ZFHX3: variants seen among roughly 807,000 people sequenced by gnomAD.
The protein encoded by ZFHX3 is zinc finger homeobox protein 3.
A neutral mutation model predicts 279.1 loss-of-function variants in ZFHX3; 42 were observed. The ratio of observed to expected loss-of-function variants is 0.15; its 90% CI spans 0.12 to 0.19. ZFHX3 has a LOEUF of 0.19. Among genes scored for constraint, ZFHX3 ranks in the 10% least tolerant of loss-of-function variants. The pLI, the probability that ZFHX3 is intolerant of heterozygous loss-of-function variation, is 1.00. For missense variants in ZFHX3, 4,981 were observed against 4,754.0 expected (o/e 1.05, Z -1.40); for synonymous variants, 2,293 against 1,957.8 (o/e 1.17, Z -4.52).
chr16:73,150,507 C>A (rs1567403253), intron 5 of ZFHX3, among the ~76,000 whole-genome samples: 1 of 152,158 alleles, frequency 6.6e-6, no homozygotes, highest in African/African-American at 2.4e-5. Flanking sequence ...CAGCAAGTGG[C>A]AGCTGTTGTA....
intron 1 of ZFHX3, among the ~76,000 whole-genome samples, chr16:73,760,609 C>T (rs2053853810): frequency 6.6e-6 from 1 of 152,152 alleles, no homozygotes; most frequent in Non-Finnish European, 1.5e-5. Context: ...AGCAGCACAT[C>T]AAAAAGCTTA....
intron 1 of ZFHX3, among the ~76,000 whole-genome samples, chr16:73,033,172 AC>A (rs952421749): frequency 6.6e-6 from 1 of 151,190 alleles, no homozygotes. Flanking sequence ...ACACCTCCTT[AC>A]CCCCTACCCC....
chr16:73,753,250 C>G (rs1012312925), intron 1 of ZFHX3, among the ~76,000 whole-genome samples: 1 of 152,172 alleles, frequency 6.6e-6, no homozygotes, highest in African/African-American at 2.4e-5. Context: ...CTGACCAAAA[C>G]AGGATCTGGC....
chr16:73,785,232 A>T (rs1414527284), intron 1 of ZFHX3, among the ~76,000 whole-genome samples: 1 of 152,210 alleles, frequency 6.6e-6, no homozygotes, highest in African/African-American at 2.4e-5. Flanking sequence ...GGTTTATTAT[A>T]ACTACAGTTC....
rs3081625 is a variant in ZFHX3 at position 73,004,159 on chromosome 16, CTTTTTTTTT to C, written c.-50+43584_-50+43592del. ...CAATAATAACTACATAAAAACACGACTTTTTTTTTTTTTTTTTTTTTTTTTAAGTAGAGA... is the reference window on the plus strand; with the variant it reads ...CAATAATAACTACATAAAAACACGACTTTTTTTTTTTTTTTTAAGTAGAGA... On this transcript the variant is annotated intron_variant, in intron 1 of 9. Coordinates refer to ENST00000268489, the MANE Select transcript of ZFHX3 (RefSeq NM_006885.4). Among the ~76,000 whole-genome samples, 468 of 49,382 alleles carry C rather than the reference CTTTTTTTTT, an allele frequency of 9.5e-3. 22 individuals carry two copies. In the East Asian group the frequency reaches 0.21, roughly 22 times the overall value. 32.4% of individuals were successfully genotyped at this position (49,382 alleles called of 152,430 possible). A position where few individuals can be genotyped will look rare whatever the true frequency, so the allele number is the denominator to read the frequency against.
chr16:73,728,015 G>GCCCCCACC (rs2053534637), intron 1 of ZFHX3, among the ~76,000 whole-genome samples: 1 of 75,426 alleles, frequency 1.3e-5, no homozygotes. Context: ...GCCGAATTGT[G>GCCCCCACC]CCCCCCCCCC....
At chr16:73,399,817 G>C (rs1015418169) in intron 3 of ZFHX3, among the ~76,000 whole-genome samples, 1 of 138,350 alleles carries the variant, frequency 7.2e-6, no homozygotes, top group South Asian at 2.4e-4. Context: ...TGTGTGTGTG[G>C]TGTGTGGAGT....
chr16:73,520,220 T>A (rs1267345744), intron 2 of ZFHX3, among the ~76,000 whole-genome samples: 1 of 152,204 alleles, frequency 6.6e-6, no homozygotes, highest in East Asian at 1.9e-4. Context: ...TACTTGGGTG[T>A]TTCTACAATT....
At chr16:72,854,754 C>T (rs1331896549) in intron 4 of ZFHX3, among the ~76,000 whole-genome samples, 4 of 152,016 alleles carry the variant, frequency 2.6e-5, no homozygotes, top group African/African-American at 7.2e-5. Flanking sequence ...CAAAACCACC[C>T]GGAGGAGAGC....
Position 72,787,090 on chromosome 16 carries a change from G to C in ZFHX3, c.*74C>G, listed in dbSNP as rs141586954. 4,618 of 1,090,782 alleles carry C rather than the reference G, an allele frequency of 4.2e-3. 15 individuals are homozygous for C. Among genetic ancestry groups the C allele is most frequent in the Middle Eastern group, 0.014 (42 of 3,084 alleles). 67.6% of individuals were successfully genotyped at this position (1,090,782 alleles called of 1,614,324 possible). On this transcript the variant is annotated 3_prime_UTR_variant, in exon 10 of 10. Transcript: ENST00000268489. Reference sequence around the variant, plus strand: ...GTTAGAAGCTTTGGAATTGCAGTTAGTCTATTTTTGAAATTGGTTTGTTAT... The same window carrying C: ...GTTAGAAGCTTTGGAATTGCAGTTACTCTATTTTTGAAATTGGTTTGTTAT...
At chr16:73,531,587 C>G (rs376949089) in intron 2 of ZFHX3, among the ~76,000 whole-genome samples, 2 of 151,254 alleles carry the variant, frequency 1.3e-5, no homozygotes, top group Admixed American at 6.6e-5. Flanking sequence ...TGGCAGCACA[C>G]GCCTATTGTC....
chr16:73,659,728 A>G (rs532533010), intron 2 of ZFHX3, among the ~76,000 whole-genome samples: 5 of 152,168 alleles, frequency 3.3e-5, no homozygotes, highest in Admixed American at 2.0e-4. Context: ...GTATAACTGC[A>G]TTCTCTGTGG....
rs2143562169 is a variant in ZFHX3 at position 73,452,625 on chromosome 16, C to T, written c.-1291+3378G>A. 2.0e-5 allele frequency among the ~76,000 whole-genome samples: 3 copies of T among 152,098 alleles called. 1 individual carries two copies. Among genetic ancestry groups the T allele is most frequent in the Admixed American group, 2.0e-4 (3 of 15,288 alleles). The stretch of plus-strand genomic sequence containing the variant: ...GTAAGAATTTCTTGCAAATGGTGAC[C>T]CTAGGAAAACCATTCCTACTCCCAA... On this transcript the variant is annotated intron_variant, in intron 3 of 17. Transcript: ENST00000641206.
At chr16:73,710,362 T>C (rs1453548853) in intron 1 of ZFHX3, among the ~76,000 whole-genome samples, 1 of 152,194 alleles carries the variant, frequency 6.6e-6, no homozygotes, top group African/African-American at 2.4e-5. Flanking sequence ...GCCTCCCTCT[T>C]ACCCATTTTT....
At chr16:73,383,459 G>C (rs541710949) in intron 3 of ZFHX3, among the ~76,000 whole-genome samples, 1 of 152,314 alleles carries the variant, frequency 6.6e-6, no homozygotes, top group South Asian at 2.1e-4. Flanking sequence ...TCCTGGACAG[G>C]AGGGATCTCT....
rs752163251 is a variant in ZFHX3 at position 72,793,706 on chromosome 16, G to A, written c.8976C>T (p.Val2992=). 3.7e-6 allele frequency: 6 copies of A among 1,614,186 alleles called. No homozygotes were observed. The highest frequency in any genetic ancestry group is 3.3e-5 in the South Asian group (3 of 91,082). ...CTTTTGCCCGGGCATTCTGGAACCA[G>A]ACCTGAACGACTCTCTTTGGCAGTC... The part of the protein sequence containing the change: ...DIGLPKRVVQ[V]WFQNARAKEK... The change falls in exon 9 of 10, where the codon GTC becomes GTT. Residue 2992 remains valine (V), a synonymous_variant. Transcript: ENST00000268489. The surrounding 1 kb of genome is among the most constrained non-coding windows in gnomAD (Gnocchi z 4.3).
chr16:73,322,931 C>T (rs976776064), intron 3 of ZFHX3, among the ~76,000 whole-genome samples: 5 of 152,168 alleles, frequency 3.3e-5, no homozygotes, highest in African/African-American at 9.7e-5. Flanking sequence ...TAATTAAGTC[C>T]TATTGGAATA....
Position 72,906,812 on chromosome 16 carries a change from C to T in ZFHX3, c.3217-16850G>A, listed in dbSNP as rs553021133. Among the ~76,000 whole-genome samples, 17 of 152,012 alleles carry T rather than the reference C, an allele frequency of 1.1e-4. No homozygotes were observed. In the East Asian group the frequency reaches 1.7e-3, roughly 16 times the overall value. On this transcript the variant is annotated intron_variant, in intron 3 of 9. Coordinates refer to ENST00000268489, the MANE Select transcript of ZFHX3 (RefSeq NM_006885.4). ...GACTCTGTCCACCCCCCTTCCCCCC[C>T]TCAAAAAACTAATGACTGGGAAAAT... is the stretch of plus-strand genomic sequence containing the variant.
intron 1 of ZFHX3, among the ~76,000 whole-genome samples, chr16:73,029,495 T>C (rs1238858004): frequency 6.6e-6 from 1 of 152,220 alleles, no homozygotes; most frequent in Non-Finnish European, 1.5e-5. Context: ...TTGTGAGTGA[T>C]GCCACAGGTA....
Sources: gnomAD v4.1 joint callset for allele counts (sites outside exome capture counted in the v4.1 genomes callset) on GRCh38, gnomAD v4.1.1 for gene constraint, Gnocchi (gnomAD v3.1) non-coding constraint, MANE v1.5 for transcripts, NCBI Gene and HGNC (gene_info 2026-07-23, HGNC 2026-07-21) for gene names.